The following NRXN1 variants were observed in gnomAD, a reference collection of about 807,000 sequenced individuals.
NRXN1 encodes the protein neurexin 1.
A neutral mutation model predicts 150.9 loss-of-function variants in NRXN1; 39 were observed. The ratio of observed to expected loss-of-function variants is 0.26; its 90% confidence interval spans 0.20 to 0.34. The LOEUF (loss-of-function observed/expected upper bound fraction) is 0.34. Among genes scored for constraint, NRXN1 ranks in the 10% least tolerant of loss-of-function variants. NRXN1 has a pLI of 1.00. For missense variants in NRXN1, 1,815 were observed against 1,949.9 expected (o/e 0.93, Z 1.30); for synonymous variants, 924 against 757.0 (o/e 1.22, Z -3.62).
chr2:50,058,779 T>C (rs1363276765), intron 19 of NRXN1, among the ~76,000 whole-genome samples: 1 of 152,076 alleles, frequency 6.6e-6, no homozygotes, highest in African/African-American at 2.4e-5. Context: ...TCACAAGACC[T>C]GATGGTTTTA....
rs183183205 is a variant in NRXN1 at position 50,167,691 on chromosome 2, A to G, written c.3546+69098T>C. On this transcript the variant is annotated intron_variant, in intron 18 of 22. Transcript: ENST00000401669. ...AGTATTTCCAAAATAATTGTTCTCAAAGTTAACTGTACACTAGAGTTAACT... is the reference window on the plus strand; with the variant it reads ...AGTATTTCCAAAATAATTGTTCTCAGAGTTAACTGTACACTAGAGTTAACT... 2.0e-5 allele frequency among the ~76,000 whole-genome samples: 3 copies of G among 152,324 alleles called. No individual in the cohort carries two copies. The East Asian group carries it at 5.8e-4, about 29-fold the overall frequency.
chr2:50,224,698 AGAGAGAGAG>A (rs1559125166), intron 18 of NRXN1, among the ~76,000 whole-genome samples: 1,165 of 60,600 alleles, frequency 0.019, 15 homozygotes, highest in African/African-American at 0.068. Context: ...GGAGAAAGAG[AGAGAGAGAG>A]AGAGAGAGAG....
In NRXN1 at chr2:49,920,506, GT is replaced by G. The variant is rs1263435849; in HGVS notation, c.*1437del. On this transcript the variant is annotated 3_prime_UTR_variant, in exon 23 of 23. Transcript: ENST00000401669. The stretch of plus-strand genomic sequence containing the variant: ...GTGATATTCTATTTGATAAGGAAAG[GT>G]TCATTTCTTTAGGGACTAAAATCTT... 3.3e-5 allele frequency: 5 copies of G among 152,514 alleles called. No homozygotes were observed. Among genetic ancestry groups the G allele is most frequent in the Admixed American group, 6.6e-5 (1 of 15,264 alleles). 9.4% of individuals were successfully genotyped at this position (152,514 alleles called of 1,614,324 possible). A position where few individuals can be genotyped will look rare whatever the true frequency, so the allele number is the denominator to read the frequency against.
At chr2:49,930,875 G>A (rs971761301) in intron 22 of NRXN1, among the ~76,000 whole-genome samples, 4 of 152,244 alleles carry the variant, frequency 2.6e-5, no homozygotes, top group Non-Finnish European at 5.9e-5. Context: ...GCCAAGAACT[G>A]TGTGGCTCAC....
At chr2:50,541,324 G>A (rs1476212478) in intron 9 of NRXN1, among the ~76,000 whole-genome samples, 1 of 152,108 alleles carries the variant, frequency 6.6e-6, no homozygotes, top group Admixed American at 6.6e-5. Flanking sequence ...CCTGAGTCGA[G>A]GAAATTCATT....
intron 5 of NRXN1, among the ~76,000 whole-genome samples, chr2:50,644,679 C>T (rs1684550680): frequency 6.6e-6 from 1 of 151,148 alleles, no homozygotes; most frequent in Admixed American, 6.6e-5. Flanking sequence ...CTATTACTCA[C>T]CAATAACTCA....
intron 9 of NRXN1, among the ~76,000 whole-genome samples, chr2:50,546,822 T>C (rs545024352): frequency 6.4e-4 from 98 of 152,284 alleles, no homozygotes; most frequent in Admixed American, 6.3e-3. Flanking sequence ...GGTGTGGATA[T>C]GAAACAAAAT....
intron 12 of NRXN1, among the ~76,000 whole-genome samples, chr2:50,526,320 T>G (rs1323137912): frequency 2.0e-5 from 3 of 152,234 alleles, no homozygotes; most frequent in African/African-American, 7.2e-5. Context: ...TTCATATTAA[T>G]TTCACAATAC....
chr2:50,270,550 A>G (rs2069456274), intron 17 of NRXN1, among the ~76,000 whole-genome samples: 1 of 152,182 alleles, frequency 6.6e-6, no homozygotes, highest in Admixed American at 6.5e-5. Context: ...AATATATTTC[A>G]GAACTATCAG....
At chr2:50,068,293 T>C (rs1007628142) in intron 19 of NRXN1, among the ~76,000 whole-genome samples, 2 of 152,200 alleles carry the variant, frequency 1.3e-5, no homozygotes, top group African/African-American at 2.4e-5. Flanking sequence ...CTAGCCCCAT[T>C]CAATTTTATA....
chr2:50,519,424 G>A (rs1404599558), intron 12 of NRXN1, among the ~76,000 whole-genome samples: 1 of 151,922 alleles, frequency 6.6e-6, no homozygotes, highest in Non-Finnish European at 1.5e-5. Flanking sequence ...TTGGGCAAAT[G>A]TCTTCTGAAA....
At chr2:50,565,639 A>G (rs1669730177) in intron 8 of NRXN1, among the ~76,000 whole-genome samples, 1 of 152,216 alleles carries the variant, frequency 6.6e-6, no homozygotes, top group Admixed American at 6.5e-5. Flanking sequence ...AGAAAAAACA[A>G]TGGAAAATAT....
At chr2:50,671,491 G>A (rs969459264) in intron 5 of NRXN1, among the ~76,000 whole-genome samples, 3 of 151,362 alleles carry the variant, frequency 2.0e-5, no homozygotes, top group South Asian at 2.1e-4. Flanking sequence ...ATAATTATAA[G>A]TGATACATAT....
In NRXN1 at chr2:50,373,670, G is replaced by GAAAAGA. The variant is rs1259891756; in HGVS notation, c.3364+91771_3364+91772insTCTTTT. On this transcript the variant is annotated intron_variant, in intron 17 of 22. Coordinates refer to ENST00000401669, the MANE Select transcript of NRXN1 (RefSeq NM_001330078.2). ...AGAAAGAAAGAAAGAAAGAAAGAAAGAAAGAAAGAAAAGAAAGAAGGAAAG... is the reference window on the plus strand; with the variant it reads ...AGAAAGAAAGAAAGAAAGAAAGAAAGAAAAGAAAAGAAAGAAAAGAAAGAAGGAAAG... Among the ~76,000 whole-genome samples the GAAAAGA allele has an allele frequency of 1.1e-3, 107 of 99,466 alleles. 1 individual carries two copies. Among genetic ancestry groups the GAAAAGA allele is most frequent in the African/African-American group, 4.9e-3 (106 of 21,770 alleles). The allele number at this position is 99,466 out of a possible 152,430, so 65.3% of individuals were successfully genotyped here.
intron 15 of NRXN1, among the ~76,000 whole-genome samples, chr2:50,493,453 A>C (rs2091378231): frequency 6.6e-6 from 1 of 152,098 alleles, no homozygotes; most frequent in Non-Finnish European, 1.5e-5. Context: ...TCTGTCCTAT[A>C]AGTGCTCCCT....
chr2:50,764,021 CT>C (rs11458761), intron 5 of NRXN1, among the ~76,000 whole-genome samples: 322 of 142,390 alleles, frequency 2.3e-3, no homozygotes, highest in Non-Finnish European at 2.5e-3. Flanking sequence ...TCCGTTGGCC[CT>C]TTTTTTTTTT....
intron 18 of NRXN1, among the ~76,000 whole-genome samples, chr2:50,230,255 A>T (rs559426930): frequency 1.7e-4 from 26 of 152,206 alleles, no homozygotes; most frequent in Admixed American, 9.2e-4. Context: ...AAATCTTTTG[A>T]ACAGGAATTA....
intron 5 of NRXN1, 132 bp from the exon 6 acceptor site, chr2:50,623,747 CTCAG>C (rs1337960748): frequency 9.2e-6 from 6 of 653,996 alleles, no homozygotes; most frequent in Middle Eastern, 4.2e-4. Flanking sequence ...TGAACTCTGT[CTCAG>C]TCAAACAGTA....
At chr2:50,381,229 G>GAA (rs5831118) in intron 17 of NRXN1, among the ~76,000 whole-genome samples, 5 of 150,976 alleles carry the variant, frequency 3.3e-5, no homozygotes, top group African/African-American at 9.7e-5. Flanking sequence ...TACTTATGAG[G>GAA]AAAAAAAAAT....
Sources: gnomAD v4.1 joint callset for allele counts (sites outside exome capture counted in the v4.1 genomes callset) on GRCh38, gnomAD v4.1.1 for gene constraint, MANE v1.5 for transcripts, NCBI Gene and HGNC (gene_info 2026-07-23, HGNC 2026-07-21) for gene names.